CLYBL: variants seen among roughly 807,000 people sequenced by gnomAD.
CLYBL encodes the protein citramalyl-CoA lyase.
CLYBL carries 31 observed loss-of-function variants against 38.9 expected under a neutral mutation model. That is an observed-to-expected ratio of 0.80 (90% CI 0.60 to 1.08). The LOEUF (loss-of-function observed/expected upper bound fraction) is 1.08, where lower values mean the gene tolerates loss of function less well. Among genes scored for constraint, CLYBL ranks in the 50% least tolerant of loss-of-function variants. The probability of loss-of-function intolerance (pLI) is 0.00; values close to 1 mark genes in which losing one functional copy is unlikely to be tolerated. For synonymous variants in CLYBL, 171 were observed against 158.6 expected (o/e 1.08, Z -0.59); for missense variants, 434 against 411.6 (o/e 1.05, Z -0.47).
intron 1 of CLYBL, among the ~76,000 whole-genome samples, chr13:99,626,535 A>G (rs1381175046): frequency 2.0e-5 from 3 of 152,230 alleles, no homozygotes; most frequent in Admixed American, 2.0e-4. Context: ...TTTTACTTAA[A>G]TTACATTCAC....
At chr13:99,800,882 AAAC>A (rs202041984) in intron 2 of CLYBL, among the ~76,000 whole-genome samples, 3,000 of 148,610 alleles carry the variant, frequency 0.02, 54 homozygotes, top group South Asian at 0.047. Context: ...TCAAATTAAA[AAAC>A]AACAACAACA....
chr13:99,808,841 C>T (rs989345918), intron 2 of CLYBL, among the ~76,000 whole-genome samples: 1 of 152,174 alleles, frequency 6.6e-6, no homozygotes, highest in Non-Finnish European at 1.5e-5. Context: ...AAGCTGCCTT[C>T]ATACATCAAA....
chr13:99,722,093 C>T (rs529854565), intron 1 of CLYBL, among the ~76,000 whole-genome samples: 1 of 152,344 alleles, frequency 6.6e-6, no homozygotes, highest in Admixed American at 6.5e-5. Flanking sequence ...CTTTTAGTTA[C>T]TTTTCAGAGC....
intron 1 of CLYBL, among the ~76,000 whole-genome samples, chr13:99,642,124 G>T (rs1434088342): frequency 6.6e-6 from 1 of 152,228 alleles, no homozygotes; most frequent in Non-Finnish European, 1.5e-5. Flanking sequence ...CTGAGGGATT[G>T]CTGGGAAGGA....
intron 1 of CLYBL, among the ~76,000 whole-genome samples, chr13:99,731,503 TAAAAA>T (rs11305509): frequency 7.0e-6 from 1 of 143,436 alleles, no homozygotes. Flanking sequence ...CTGCTTATAT[TAAAAA>T]AAAAAAAAAG....
At chr13:99,810,101 C>T (rs1010154531) in intron 2 of CLYBL, among the ~76,000 whole-genome samples, 2 of 152,208 alleles carry the variant, frequency 1.3e-5, no homozygotes, top group South Asian at 2.1e-4. Context: ...ATGATTAACT[C>T]GGTAACTCAT....
chr13:99,791,373 A>C (rs1258885935), intron 2 of CLYBL, among the ~76,000 whole-genome samples: 1 of 152,160 alleles, frequency 6.6e-6, no homozygotes, highest in African/African-American at 2.4e-5. Context: ...AAAAAAAACA[A>C]ACAAAAAACA....
In CLYBL at chr13:99,674,119, G is replaced by GT. The variant is rs200114218; in HGVS notation, c.62+67371dup. On this transcript the variant is annotated intron_variant, in intron 1 of 8. Coordinates refer to ENST00000339105, the MANE Select transcript of CLYBL (RefSeq NM_206808.5). Reference sequence around the variant, plus strand: ...GAATTTAAGATAGCTACTAGAATTCGTTTTTTTTTAGCTACTAGAATTCTT... The same window carrying GT: ...GAATTTAAGATAGCTACTAGAATTCGTTTTTTTTTTAGCTACTAGAATTCTT... Among the ~76,000 whole-genome samples, 58 of 97,358 alleles carry GT rather than the reference G, an allele frequency of 6.0e-4. No homozygotes were observed. The East Asian group carries it at 0.012, about 20-fold the overall frequency. The allele number at this position is 97,358 out of a possible 152,430, so 63.9% of individuals were successfully genotyped here. A position where few individuals can be genotyped will look rare whatever the true frequency, so the allele number is the denominator to read the frequency against.
chr13:99,858,717 ATAT>A, intron 2 of CLYBL, 141 bp from the exon 3 acceptor site: 1 of 623,024 alleles, frequency 1.6e-6, no homozygotes, highest in Non-Finnish European at 2.7e-6. Flanking sequence ...CTCCTTTCAA[ATAT>A]TATTTATTTG....
chr13:99,876,752 G>A (rs2052053388), intron 7 of CLYBL, among the ~76,000 whole-genome samples: 1 of 152,172 alleles, frequency 6.6e-6, no homozygotes, highest in Non-Finnish European at 1.5e-5. Flanking sequence ...TCAGGGCTTA[G>A]TTTGTAAGTA....
chr13:99,748,177 C>T (rs1018622832), intron 1 of CLYBL, among the ~76,000 whole-genome samples: 8 of 151,966 alleles, frequency 5.3e-5, no homozygotes, highest in Middle Eastern at 3.2e-3. Flanking sequence ...GTCAGAAGTT[C>T]GAGACCAGCG....
At chr13:99,752,738 A>G (rs1028908578) in intron 1 of CLYBL, among the ~76,000 whole-genome samples, 4 of 151,890 alleles carry the variant, frequency 2.6e-5, no homozygotes, top group Non-Finnish European at 4.4e-5. Context: ...TCATGGCTCA[A>G]AGGCCCCACC....
chr13:99,901,879 C>G (rs190162074), downstream of CLYBL, among the ~76,000 whole-genome samples: 19 of 152,138 alleles, frequency 1.2e-4, no homozygotes, highest in East Asian at 3.1e-3. Context: ...AGGCTGGTCT[C>G]GAATTCCTGA....
chr13:99,703,869 A>T (rs1186440065), intron 1 of CLYBL, among the ~76,000 whole-genome samples: 1 of 152,246 alleles, frequency 6.6e-6, no homozygotes, highest in Non-Finnish European at 1.5e-5. Flanking sequence ...GTCAACAGAC[A>T]TAAAAAAGCT....
In CLYBL at chr13:99,849,880, A is replaced by G. The variant is rs2051290932; in HGVS notation, c.250-8981A>G. Among the ~76,000 whole-genome samples, 1 of 152,202 alleles carries G rather than the reference A, an allele frequency of 6.6e-6. No individual in the cohort carries two copies. The highest frequency in any genetic ancestry group is 6.5e-5 in the Admixed American group (1 of 15,274). ...AGACAGAAGTAAGCCCCTTCTTTCC[A>G]CTGGAGTTTTCTCTTTCCTGGGAAT... is the stretch of plus-strand genomic sequence containing the variant. On this transcript the variant is annotated intron_variant, in intron 2 of 8. Transcript: ENST00000339105. The surrounding 1 kb of genome is among the most constrained non-coding windows in gnomAD (Gnocchi z 4.9).
chr13:99,724,355 T>C (rs2048437345), intron 1 of CLYBL, among the ~76,000 whole-genome samples: 1 of 152,158 alleles, frequency 6.6e-6, no homozygotes, highest in South Asian at 2.1e-4. Flanking sequence ...TTGTTTCTGA[T>C]TGTAAAATAT....
intron 2 of CLYBL, among the ~76,000 whole-genome samples, chr13:99,853,245 A>G (rs2051375305): frequency 1.3e-5 from 2 of 152,010 alleles, no homozygotes; most frequent in South Asian, 4.2e-4. Context: ...ATATCTCTGA[A>G]GGGCAGAAAT....
intron 1 of CLYBL, among the ~76,000 whole-genome samples, chr13:99,722,751 T>G (rs1322526364): frequency 6.6e-6 from 1 of 152,240 alleles, no homozygotes; most frequent in African/African-American, 2.4e-5. Flanking sequence ...TCTTCTATGC[T>G]TTTGTTTTAA....
In CLYBL at chr13:99,849,002, G is replaced by A. The variant is rs2051271043; in HGVS notation, c.250-9859G>A. On this transcript the variant is annotated intron_variant, in intron 2 of 8. Coordinates refer to ENST00000339105, the MANE Select transcript of CLYBL (RefSeq NM_206808.5). This position sits in a 1 kb window ranked among gnomAD's most constrained non-coding sequence, Gnocchi z 4.9. The stretch of plus-strand genomic sequence containing the variant: ...AAAAATACAAAAATTAGCTGGGCGT[G>A]GTGGCAGTCACATGTAATCCCAGCT... Among the ~76,000 whole-genome samples the A allele has an allele frequency of 6.6e-6, 1 of 152,022 alleles. No individual in the cohort carries two copies. Among genetic ancestry groups the A allele is most frequent in the Non-Finnish European group, 1.5e-5 (1 of 67,990 alleles).
Sources: gnomAD v4.1 joint callset for allele counts (sites outside exome capture counted in the v4.1 genomes callset) on GRCh38, gnomAD v4.1.1 for gene constraint, Gnocchi (gnomAD v3.1) non-coding constraint, MANE v1.5 for transcripts, NCBI Gene and HGNC (gene_info 2026-07-23, HGNC 2026-07-21) for gene names.